GABBR2: variants seen among roughly 807,000 people sequenced by gnomAD.
The protein encoded by GABBR2 is gamma-aminobutyric acid type B receptor subunit 2.
In GABBR2, 23 loss-of-function variants were observed where a neutral mutation model predicts 105.6. The observed-to-expected ratio is 0.22, with a 90% confidence interval of 0.16 to 0.31. The LOEUF is 0.31. Among genes scored for constraint, GABBR2 ranks in the 10% least tolerant of loss-of-function variants. The pLI is 1.00. For synonymous variants in GABBR2, 478 were observed against 499.7 expected (o/e 0.96, Z 0.58); for missense variants, 734 against 1,245.5 (o/e 0.59, Z 6.18).
intron 1 of GABBR2, among the ~76,000 whole-genome samples, chr9:98,598,303 AG>A (rs1402197394): frequency 6.6e-6 from 1 of 152,186 alleles, no homozygotes; most frequent in Non-Finnish European, 1.5e-5. Context: ...TCCACAGTTC[AG>A]GAAGTGCATC....
intron 13 of GABBR2, among the ~76,000 whole-genome samples, chr9:98,320,518 C>A (rs191788678): frequency 6.6e-6 from 1 of 152,274 alleles, no homozygotes; most frequent in African/African-American, 2.4e-5. Context: ...GCTAGAAAGA[C>A]ACATGCACAC....
At chr9:98,616,678 C>T (rs1404275229) in intron 1 of GABBR2, among the ~76,000 whole-genome samples, 2 of 151,174 alleles carry the variant, frequency 1.3e-5, no homozygotes, top group Non-Finnish European at 2.9e-5. Flanking sequence ...CGCTTGAACC[C>T]AGGAGGAGGA....
chr9:98,316,626 T>C (rs140579225), intron 13 of GABBR2, among the ~76,000 whole-genome samples: 1 of 152,306 alleles, frequency 6.6e-6, no homozygotes, highest in Non-Finnish European at 1.5e-5. Flanking sequence ...GGCTCTCCCA[T>C]TCCAGTAAGA....
At chr9:98,464,113 A>G (rs1826486403) in intron 6 of GABBR2, among the ~76,000 whole-genome samples, 1 of 151,828 alleles carries the variant, frequency 6.6e-6, no homozygotes, top group Admixed American at 6.6e-5. Context: ...GGATGTGAGG[A>G]GCCCCTCTGC....
chr9:98,537,316 T>C (rs543232877), intron 3 of GABBR2, among the ~76,000 whole-genome samples: 1 of 152,320 alleles, frequency 6.6e-6, no homozygotes, highest in African/African-American at 2.4e-5. Context: ...TTTAATTCCA[T>C]TTATATGAAA....
At chr9:98,594,125 G>A (rs1304659607) in intron 1 of GABBR2, among the ~76,000 whole-genome samples, 1 of 152,204 alleles carries the variant, frequency 6.6e-6, no homozygotes. Context: ...CCCACACTTG[G>A]AGGTTGTAAG....
intron 13 of GABBR2, among the ~76,000 whole-genome samples, chr9:98,327,136 GATTT>G (rs1830937726): frequency 1.3e-5 from 2 of 152,322 alleles, no homozygotes; most frequent in Admixed American, 1.3e-4. Flanking sequence ...CTTGTGCTAT[GATTT>G]ATTATAGCAG....
chr9:98,628,177 TA>T (rs1336020033), intron 1 of GABBR2, among the ~76,000 whole-genome samples: 1 of 152,176 alleles, frequency 6.6e-6, no homozygotes, highest in Non-Finnish European at 1.5e-5. Context: ...AGGCCAACAA[TA>T]AACCGTTTAC....
At chr9:98,516,906 A>G (rs989126896) in intron 3 of GABBR2, among the ~76,000 whole-genome samples, 1 of 152,234 alleles carries the variant, frequency 6.6e-6, no homozygotes, top group African/African-American at 2.4e-5. Context: ...AGCGATTCAG[A>G]CACTGGTACA....
At chr9:98,510,443 G>A (rs1019645029) in intron 3 of GABBR2, among the ~76,000 whole-genome samples, 54 of 152,174 alleles carry the variant, frequency 3.5e-4, no homozygotes, top group Non-Finnish European at 6.3e-4. Context: ...ATGTAAATGG[G>A]CTAAATGCTC....
rs564107344 is a variant in GABBR2, at chr9:98,497,230, G to A, written c.631-716C>T. Among the ~76,000 whole-genome samples the A allele has an allele frequency of 2.3e-3, 356 of 152,248 alleles. 1 individual carries two copies. Among genetic ancestry groups the A allele is most frequent in the African/African-American group, 8.2e-3 (340 of 41,550 alleles). On this transcript the variant is annotated intron_variant, in intron 3 of 18. Transcript: ENST00000259455. ...TGCAGTGAGCCGTGATCACGCCACC[G>A]TACTCCAGCCTGGGTGACAGAACAA...
intron 5 of GABBR2, among the ~76,000 whole-genome samples, chr9:98,480,487 A>T (rs1826893173): frequency 6.6e-6 from 1 of 152,172 alleles, no homozygotes; most frequent in South Asian, 2.1e-4. Flanking sequence ...ATTAAATGAG[A>T]TAAGGCATAA....
At chr9:98,464,762 G>T (rs1023238417) in intron 6 of GABBR2, among the ~76,000 whole-genome samples, 4 of 152,196 alleles carry the variant, frequency 2.6e-5, no homozygotes, top group Non-Finnish European at 4.4e-5. Flanking sequence ...ACTCCATTTT[G>T]TTCTGTACTA....
intron 6 of GABBR2, among the ~76,000 whole-genome samples, chr9:98,465,876 C>G (rs983461134): frequency 8.5e-5 from 13 of 152,302 alleles, no homozygotes; most frequent in South Asian, 4.2e-4. Flanking sequence ...GTGTTCCTGC[C>G]CAAATCCCAT....
chr9:98,542,130 A>G, intron 2 of GABBR2, 87 bp from the exon 3 acceptor site: 1 of 1,107,800 alleles, frequency 9.0e-7, no homozygotes, highest in Non-Finnish European at 1.3e-6. Flanking sequence ...AGAGACTGTT[A>G]GCTTCAACTT....
intron 2 of GABBR2, among the ~76,000 whole-genome samples, chr9:98,543,749 A>G (rs1236933130): frequency 6.6e-6 from 1 of 152,208 alleles, no homozygotes; most frequent in African/African-American, 2.4e-5. Context: ...AGTCTTCCTT[A>G]TCAGTTTATA....
chr9:98,644,692 A>G (rs1332596995), intron 1 of GABBR2, among the ~76,000 whole-genome samples: 1 of 152,134 alleles, frequency 6.6e-6, no homozygotes, highest in Non-Finnish European at 1.5e-5. Flanking sequence ...AAACACAAAA[A>G]TTAGCTGGGC....
At chr9:98,675,445 C>T (rs200794603) in intron 1 of GABBR2, among the ~76,000 whole-genome samples, 6 of 152,170 alleles carry the variant, frequency 3.9e-5, no homozygotes, top group East Asian at 1.9e-4. Flanking sequence ...AGGGAGTCAG[C>T]GGACACAGGG....
chr9:98,405,979 G>T, intron 8 of GABBR2, 102 bp downstream of exon 8: 1 of 731,972 alleles, frequency 1.4e-6, no homozygotes, highest in Non-Finnish European at 2.4e-6. Flanking sequence ...CTTTTATCTG[G>T]AACATCACAC....
Sources: allele counts gnomAD v4.1 joint callset (sites outside exome capture counted in the v4.1 genomes callset), GRCh38; gene constraint gnomAD v4.1.1; transcripts MANE v1.5; gene names NCBI Gene and HGNC (gene_info 2026-07-23, HGNC 2026-07-21).